Variants in CACNB2 observed in about 807,000 individuals in gnomAD.
The protein encoded by CACNB2 is calcium voltage-gated channel auxiliary subunit beta 2.
Under a neutral mutation model 73.3 loss-of-function variants are expected in CACNB2, and 42 were observed. That is an observed-to-expected ratio of 0.57 (90% CI 0.45 to 0.74). The LOEUF is 0.74. Among genes scored for constraint, CACNB2 ranks in the 30% least tolerant of loss-of-function variants. The pLI, the probability that CACNB2 is intolerant of heterozygous loss-of-function variation, is 0.00. For synonymous variants in CACNB2, 348 were observed against 310.3 expected, an observed-to-expected ratio of 1.12 and a Z score of -1.28; for missense variants, 940 against 853.0, an observed-to-expected ratio of 1.10 and a Z score of -1.27.
intron 5 of CACNB2, among the ~76,000 whole-genome samples, chr10:18,503,376 C>T (rs1007454051): frequency 9.2e-5 from 14 of 152,142 alleles, no homozygotes; most frequent in Admixed American, 1.3e-4. Flanking sequence ...GCAGGTGGAT[C>T]GCTTGAGGCC....
intron 9 of CACNB2, among the ~76,000 whole-genome samples, chr10:18,524,203 C>G (rs1473639317): frequency 6.6e-6 from 1 of 150,608 alleles, no homozygotes; most frequent in African/African-American, 2.5e-5. Context: ...GGGATAAATT[C>G]ACGGTTTTTT....
chr10:18,151,259 G>C (rs1209485140), intron 2 of CACNB2: 8 of 318,960 alleles, frequency 2.5e-5, no homozygotes, highest in African/African-American at 1.8e-4. Flanking sequence ...AATGATTATG[G>C]ATTTGGGGGG....
chr10:18,510,274 C>T lies in CACNB2; in HGVS notation c.670+3727C>T, dbSNP rs137963916. Reference sequence around the variant, plus strand: ...TGTGGAAAGCCAAACACCTGGGCAACGTTGCAGCCAAAGATGTATACGTTT... The same window carrying T: ...TGTGGAAAGCCAAACACCTGGGCAATGTTGCAGCCAAAGATGTATACGTTT... On this transcript the variant is annotated intron_variant, in intron 6 of 13. Transcript: ENST00000324631. Among the ~76,000 whole-genome samples the T allele has an allele frequency of 1.4e-3, 206 of 152,254 alleles. 2 individuals are homozygous for T. Among genetic ancestry groups the T allele is most frequent in the African/African-American group, 4.2e-3 (175 of 41,548 alleles).
At chr10:18,494,631 CAAAAAA>C (rs909672661) in intron 3 of CACNB2, among the ~76,000 whole-genome samples, 1 of 61,824 alleles carries the variant, frequency 1.6e-5, no homozygotes, top group African/African-American at 5.5e-5. Flanking sequence ...GACTCCGTCT[CAAAAAA>C]AAAAAAAAAA....
At chr10:18,199,704 C>T (rs368632253) in intron 2 of CACNB2, among the ~76,000 whole-genome samples, 4 of 152,028 alleles carry the variant, frequency 2.6e-5, no homozygotes, top group African/African-American at 4.8e-5. Context: ...AATCATCTGA[C>T]GTGATATATA....
chr10:18,432,005 C>T (rs965207984), intron 3 of CACNB2, among the ~76,000 whole-genome samples: 6 of 152,142 alleles, frequency 3.9e-5, no homozygotes, highest in African/African-American at 9.7e-5. Context: ...CCTCGTGATC[C>T]GCCTGCCTTA....
Position 18,540,835 on chromosome 10 carries a change from G to T in CACNB2, c.*1111G>T, listed in dbSNP as rs1056704696. The T allele has an allele frequency of 1.3e-5, 2 of 152,622 alleles. No homozygotes were observed. Among genetic ancestry groups the T allele is most frequent in the Non-Finnish European group, 2.9e-5 (2 of 68,046 alleles). 9.5% of individuals were successfully genotyped at this position (152,622 alleles called of 1,614,324 possible). A position where few individuals can be genotyped will look rare whatever the true frequency, so the allele number is the denominator to read the frequency against. On this transcript the variant is annotated 3_prime_UTR_variant, in exon 14 of 14. Transcript: ENST00000324631. ...TGATATCGAGCATTCTGCCCACCTC[G>T]CTCTGTATTTAATTAATTGTGCTAT...
rs747393206 is a variant in CACNB2, at chr10:18,542,394, T to C, written c.*2670T>C. 27 of 152,214 alleles carry C rather than the reference T, an allele frequency of 1.8e-4. No homozygotes were observed. The highest frequency in any genetic ancestry group is 3.1e-4 in the Non-Finnish European group (21 of 68,040). The allele number at this position is 152,214 out of a possible 1,614,324, so 9.4% of individuals were successfully genotyped here. On this transcript the variant is annotated 3_prime_UTR_variant, in exon 14 of 14. Transcript: ENST00000324631. ...AATTGAATTTATAAAATATTTCTGA[T>C]AAAACTTTTGTCATGGTAAGAGATT...
At chr10:18,314,082 A>G (rs2040062924) in intron 2 of CACNB2, among the ~76,000 whole-genome samples, 1 of 151,100 alleles carries the variant, frequency 6.6e-6, no homozygotes, top group African/African-American at 2.4e-5. Context: ...GTCAATGAAT[A>G]TTGATTGTTG....
intron 3 of CACNB2, among the ~76,000 whole-genome samples, chr10:18,421,103 C>G (rs2045295262): frequency 6.6e-6 from 1 of 152,048 alleles, no homozygotes; most frequent in Admixed American, 6.6e-5. Flanking sequence ...ATATCTTCAT[C>G]TTAGTAAAGG....
chr10:18,513,565 G>T, intron 6 of CACNB2: 1 of 389,532 alleles, frequency 2.6e-6, no homozygotes, highest in Admixed American at 2.7e-5. Context: ...ATGCATTGTT[G>T]ATATTGCAAG....
chr10:18,400,755 C>CGAGCA (rs1237291251), intron 2 of CACNB2: 1 of 1,344,910 alleles, frequency 7.4e-7, no homozygotes, highest in East Asian at 3.0e-5. Flanking sequence ...CGAGTTGATG[C>CGAGCA]TCGGCTTTTG....
At chr10:18,211,106 G>T (rs950417728) in intron 2 of CACNB2, among the ~76,000 whole-genome samples, 1 of 152,166 alleles carries the variant, frequency 6.6e-6, no homozygotes, top group Non-Finnish European at 1.5e-5. Context: ...TATTTTTGCT[G>T]TTGATGTTGT....
intron 3 of CACNB2, among the ~76,000 whole-genome samples, chr10:18,421,228 AT>A (rs11333043): frequency 0.87 from 130,635 of 150,348 alleles, 56,824 homozygotes; most frequent in East Asian, 0.94. Flanking sequence ...TGAAATACAT[AT>A]TTTTTTTTTT....
chr10:18,152,584 G>T (rs2031655580), intron 2 of CACNB2, among the ~76,000 whole-genome samples: 1 of 151,644 alleles, frequency 6.6e-6, no homozygotes, highest in South Asian at 2.1e-4. Context: ...TCAGTTAAAG[G>T]AAAGTTACCC....
At chr10:18,217,202 G>A (rs747923186) in intron 2 of CACNB2, among the ~76,000 whole-genome samples, 2 of 152,084 alleles carry the variant, frequency 1.3e-5, no homozygotes, top group Non-Finnish European at 2.9e-5. Context: ...TAAATAAGTC[G>A]GCTGTGCAAG....
chr10:18,403,923 A>G (rs1004099887), intron 3 of CACNB2, among the ~76,000 whole-genome samples: 5 of 152,050 alleles, frequency 3.3e-5, no homozygotes, highest in Non-Finnish European at 7.4e-5. Flanking sequence ...ATAGCACAAT[A>G]GGGTGACTAA....
chr10:18,484,859 T>G (rs775855083), intron 3 of CACNB2, among the ~76,000 whole-genome samples: 1 of 152,194 alleles, frequency 6.6e-6, no homozygotes, highest in Non-Finnish European at 1.5e-5. Context: ...GTTGATCGTA[T>G]AAAACAAAAT....
intron 2 of CACNB2, among the ~76,000 whole-genome samples, chr10:18,363,802 G>T (rs1156533549): frequency 6.6e-6 from 1 of 151,748 alleles, no homozygotes; most frequent in Non-Finnish European, 1.5e-5. Context: ...AAATAGTAAG[G>T]ATAGTTATAC....
Sources: allele counts gnomAD v4.1 joint callset (sites outside exome capture counted in the v4.1 genomes callset), GRCh38; gene constraint gnomAD v4.1.1; transcripts MANE v1.5; gene names NCBI Gene and HGNC (gene_info 2026-07-23, HGNC 2026-07-21).